The following IGF2R variants were observed in gnomAD, a reference collection of about 807,000 sequenced individuals.
The protein encoded by IGF2R is cation-independent mannose-6-phosphate receptor.
In IGF2R, 91 loss-of-function variants were observed where a neutral mutation model predicts 270.6. That is an observed-to-expected ratio of 0.34 (90% confidence interval 0.28 to 0.40). The LOEUF (loss-of-function observed/expected upper bound fraction) is 0.40. Ranked by LOEUF, IGF2R falls within the 10% of genes least tolerant of loss-of-function variation. IGF2R has a pLI of 1.00. For synonymous variants in IGF2R, 1,316 were observed against 1,258.9 expected (o/e 1.05, Z -0.96); for missense variants, 2,805 against 3,188.3 (o/e 0.88, Z 2.90).
chr6:160,027,948 A>G (rs1451089948), intron 6 of IGF2R, among the ~76,000 whole-genome samples: 1 of 151,920 alleles, frequency 6.6e-6, no homozygotes, highest in Admixed American at 6.6e-5. Context: ...AGCTCGTGGC[A>G]TGTCTGGGTG....
rs1298288294 is a variant in IGF2R at position 160,048,533 on chromosome 6, A to G, written c.2504A>G (p.Glu835Gly). ...GCATCGGCTTGCCAGATGAAGTATG[A>G]AAAAGATCAGGTGAATCTGTTTTCA... Reference protein sequence around the residue: ...RYASACQMKYEKDQGSFTEVV... With the variant: ...RYASACQMKYGKDQGSFTEVV... The change falls in exon 18 of 48, where the codon GAA becomes GGA. Residue 835 changes from glutamate (E) to glycine (G), a missense_variant. Around this residue, in one of 2 missense-constraint regions of IGF2R, gnomAD observed 1,851 missense variants for 2,207.2 expected, o/e 0.84. Coordinates refer to ENST00000356956, the MANE Select transcript of IGF2R (RefSeq NM_000876.4). 2 of 1,613,732 alleles carry G rather than the reference A, an allele frequency of 1.2e-6. No individual in the cohort carries two copies. Among genetic ancestry groups the G allele is most frequent in the East Asian group, 2.2e-5 (1 of 44,876 alleles).
intron 1 of IGF2R, among the ~76,000 whole-genome samples, chr6:159,984,221 A>G (rs1158131675): frequency 6.6e-6 from 1 of 152,234 alleles, no homozygotes; most frequent in Non-Finnish European, 1.5e-5. Context: ...GACTGCATAA[A>G]CTACAGTCTG....
At chr6:160,010,826 T>C (rs1583257953) in intron 4 of IGF2R, 41 bp downstream of exon 4, 2 of 1,157,334 alleles carry the variant, frequency 1.7e-6, no homozygotes, top group Non-Finnish European at 1.3e-6. Context: ...TGAAGTATAC[T>C]CTGGGGAACT....
chr6:160,067,183 T>TTCTCGGGTCATGTCGGGCTTATGTG (rs1343228436), intron 29 of IGF2R, among the ~76,000 whole-genome samples: 1 of 152,168 alleles, frequency 6.6e-6, no homozygotes, highest in African/African-American at 2.4e-5. Context: ...GTTTCTGTCT[T>TTCTCGGGTCATGTCGGGCTTATGTG]TCTCGGGTCA....
At chr6:160,094,095 T>G in intron 44 of IGF2R, 1 of 493,856 alleles carries the variant, frequency 2.0e-6, no homozygotes, top group South Asian at 1.8e-5. Context: ...ATCATTCCCC[T>G]TCTCCCAAAG....
Position 160,088,069 on chromosome 6 carries a change from C to A in IGF2R, c.6242C>A (p.Pro2081Gln), listed in dbSNP as rs151080511. The change falls in exon 42 of 48, where the codon CCG (proline) becomes CAG (glutamine). Residue 2081 changes from proline to glutamine, a missense_variant. Pro to Gln is a moderately conservative substitution (Grantham distance 76). This residue lies in a region of IGF2R where 1,851 missense variants were observed against 2,207.2 expected (regional missense o/e 0.84). Transcript: ENST00000356956. Reference protein sequence around the residue: ...KVVVTYSKGYPCGGNKTASSV... With the variant: ...KVVVTYSKGYQCGGNKTASSV... ...GTTGTCACGTACTCCAAAGGTTATCCGTGTGGTGGAAATAAGACCGCATCC... is the reference window on the plus strand; with the variant it reads ...GTTGTCACGTACTCCAAAGGTTATCAGTGTGGTGGAAATAAGACCGCATCC... The A allele has an allele frequency of 3.1e-6, 5 of 1,613,452 alleles. No individual in the cohort carries two copies. The Admixed American group carries it at 5.0e-5, about 16-fold the overall frequency.
At position 160,002,461 on chromosome 6, in the gene IGF2R, T is replaced by C. The variant is rs566373344; in HGVS notation, c.290-6549T>C. Among the ~76,000 whole-genome samples, 5 of 152,312 alleles carry C rather than the reference T, an allele frequency of 3.3e-5. No homozygotes were observed. In the South Asian group the frequency reaches 8.3e-4, roughly 25 times the overall value. On this transcript the variant is annotated intron_variant, in intron 2 of 47. Coordinates refer to ENST00000356956, the MANE Select transcript of IGF2R (RefSeq NM_000876.4). ...TTCATTGAGCGGCAGTGGATCATCA[T>C]ATAAAGATCTTCGTCCTTATTGTCT... is the stretch of plus-strand genomic sequence containing the variant.
intron 38 of IGF2R, 41 bp downstream of exon 38, chr6:160,079,828 G>C: frequency 7.0e-7 from 1 of 1,434,426 alleles, no homozygotes; most frequent in South Asian, 1.6e-5. Flanking sequence ...CAAGCTCATA[G>C]TAAACTAGAA....
chr6:160,030,681 A>G (rs1420455659), intron 7 of IGF2R, among the ~76,000 whole-genome samples: 2 of 152,116 alleles, frequency 1.3e-5, no homozygotes, highest in African/African-American at 4.8e-5. Flanking sequence ...TATTTGTTCT[A>G]CATTTGGTAA....
intron 45 of IGF2R, among the ~76,000 whole-genome samples, chr6:160,097,446 C>T (rs1199969449): frequency 1.3e-5 from 2 of 152,194 alleles, no homozygotes; most frequent in East Asian, 3.8e-4. Flanking sequence ...TCTCCTGCCT[C>T]AGCCTCCCAA....
rs780695953 is a variant in IGF2R at position 160,102,497 on chromosome 6, C to T, written c.6843-22C>T. On this transcript the variant is annotated intron_variant, in intron 45 of 47. Transcript: ENST00000356956. The surrounding 1 kb of genome is among the most constrained non-coding windows in gnomAD (Gnocchi z 4.5). ...GCAGGACCACCCTGTGACACGGCTC[C>T]TTTTCTGTGACGTCCTTGCAGGGTG... The T allele has an allele frequency of 1.9e-6, 3 of 1,605,730 alleles. No homozygotes were observed. The African/African-American group carries it at 4.0e-5, about 21-fold the overall frequency.
chr6:160,036,181 C>T (rs1235953178), intron 10 of IGF2R, among the ~76,000 whole-genome samples: 1 of 152,178 alleles, frequency 6.6e-6, no homozygotes, highest in Non-Finnish European at 1.5e-5. Flanking sequence ...ATACATCTGA[C>T]TCGTGAATGA....
chr6:160,058,882 TG>T, intron 21 of IGF2R, 23 bp from the exon 22 acceptor site: 1 of 1,607,754 alleles, frequency 6.2e-7, no homozygotes, highest in South Asian at 1.1e-5. Flanking sequence ...TTTGTTTGTA[TG>T]GCTCTTACCG....
chr6:160,089,405 G>A, intron 43 of IGF2R, 152 bp downstream of exon 43: 3 of 636,222 alleles, frequency 4.7e-6, no homozygotes, highest in Non-Finnish European at 7.7e-6. Context: ...CTTAAACTGA[G>A]GAAAAGCGTT....
intron 1 of IGF2R, among the ~76,000 whole-genome samples, chr6:159,988,656 A>T (rs1421528362): frequency 6.6e-6 from 1 of 152,114 alleles, no homozygotes; most frequent in Non-Finnish European, 1.5e-5. Context: ...GAAATAGTTT[A>T]ATGATGCCAC....
At chr6:160,092,964 C>G (rs1340690086) in intron 44 of IGF2R, 1 of 152,296 alleles carries the variant, frequency 6.6e-6, no homozygotes, top group African/African-American at 2.4e-5. Context: ...AAGGGGTTCC[C>G]AAGCCAACTT....
Position 160,032,507 on chromosome 6 carries a change from A to G in IGF2R, c.883-44A>G, listed in dbSNP as rs759389286. On this transcript the variant is annotated intron_variant, in intron 7 of 47. Coordinates refer to ENST00000356956, the MANE Select transcript of IGF2R (RefSeq NM_000876.4). ...GTGTGGAAAATCTGCATTAAGCTGC[A>G]TGAAACATTTTTTATTTTGCTTCTT... 3 of 1,571,754 alleles carry G rather than the reference A, an allele frequency of 1.9e-6. No homozygotes were observed. In the Admixed American group the frequency reaches 5.1e-5, roughly 27 times the overall value.
In IGF2R at chr6:160,069,895, G is replaced by A; in HGVS notation, c.4280G>A (p.Cys1427Tyr). Reference protein sequence around the residue: ...TEPCPPEAAACLLGGSKPVNL... With the variant: ...TEPCPPEAAAYLLGGSKPVNL... ...CCGTGCCCTCCAGAAGCAGCCGCGT[G>A]TCTGCTGGGTGGCTCCAAGCCCGTG... The change falls in exon 31 of 48, where the codon TGT (cysteine) becomes TAT (tyrosine). Residue 1427 changes from cysteine (C) to tyrosine (Y), a missense_variant. By Grantham distance (194) the Cys-to-Tyr change is radical. This residue lies in a region of IGF2R where 1,851 missense variants were observed against 2,207.2 expected (regional missense o/e 0.84). Coordinates refer to ENST00000356956, the MANE Select transcript of IGF2R (RefSeq NM_000876.4). 1 of 1,614,164 alleles carries A rather than the reference G, an allele frequency of 6.2e-7. No homozygotes were observed. The highest frequency in any genetic ancestry group is 8.5e-7 in the Non-Finnish European group (1 of 1,180,032).
In IGF2R at chr6:160,050,327, A is replaced by G. The variant is rs1396419595; in HGVS notation, c.2515-146A>G. 1 of 794,290 alleles carries G rather than the reference A, an allele frequency of 1.3e-6. No individual in the cohort carries two copies. The highest frequency in any genetic ancestry group is 2.0e-6 in the Non-Finnish European group (1 of 500,708). 49.2% of individuals were successfully genotyped at this position (794,290 alleles called of 1,614,324 possible). A position where few individuals can be genotyped will look rare whatever the true frequency, so the allele number is the denominator to read the frequency against. On this transcript the variant is annotated intron_variant, in intron 18 of 47. Coordinates refer to ENST00000356956, the MANE Select transcript of IGF2R (RefSeq NM_000876.4). The surrounding 1 kb of genome is among the most constrained non-coding windows in gnomAD (Gnocchi z 4.0). ...CTTTGAGGATGGTTTCCTATTCCAT[A>G]TGTAATAAGGGGATTTCCCCAGGAG...
Sources: gnomAD v4.1 joint callset for allele counts (sites outside exome capture counted in the v4.1 genomes callset) on GRCh38, gnomAD v4.1.1 for gene constraint, gnomAD v4.1.1 regional missense constraint, Gnocchi (gnomAD v3.1) non-coding constraint, MANE v1.5 for transcripts, NCBI Gene and HGNC (gene_info 2026-07-23, HGNC 2026-07-21) for gene names.